The following ZNF532 variants were observed in gnomAD, a reference collection of about 807,000 sequenced individuals.
The protein encoded by ZNF532 is zinc finger protein 532.
In ZNF532, 22 loss-of-function variants were observed where a neutral mutation model predicts 89.3. The ratio of observed to expected loss-of-function variants is 0.25; its 90% CI spans 0.18 to 0.35. The LOEUF (loss-of-function observed/expected upper bound fraction) is 0.35, where lower values mean the gene tolerates loss of function less well. Among genes scored for constraint, ZNF532 ranks in the 10% least tolerant of loss-of-function variants. The pLI is 1.00. For missense variants in ZNF532, 1,132 were observed against 1,643.4 expected (o/e 0.69, Z 5.38); for synonymous variants, 606 against 649.6 (o/e 0.93, Z 1.02).
intron 4 of ZNF532, among the ~76,000 whole-genome samples, chr18:58,935,107 T>TC (rs2062276254): frequency 1.1e-5 from 1 of 87,696 alleles, no homozygotes; most frequent in Non-Finnish European, 2.3e-5. Flanking sequence ...CTCCTCCTCC[T>TC]CCCCACTCCT....
At chr18:58,969,216 T>C (rs2066221532) in intron 7 of ZNF532, among the ~76,000 whole-genome samples, 1 of 152,082 alleles carries the variant, frequency 6.6e-6, no homozygotes, top group South Asian at 2.1e-4. Context: ...GAGTTGTGAG[T>C]GAGAACACAG....
chr18:58,937,883 C>G (rs753681672), intron 4 of ZNF532, among the ~76,000 whole-genome samples: 6 of 152,192 alleles, frequency 3.9e-5, no homozygotes, highest in Non-Finnish European at 7.3e-5. Context: ...GCTCTATTGC[C>G]TGAAATACCA....
intron 2 of ZNF532, among the ~76,000 whole-genome samples, chr18:58,897,113 C>T (rs1356574347): frequency 1.3e-5 from 2 of 151,576 alleles, no homozygotes; most frequent in African/African-American, 2.4e-5. Flanking sequence ...CTCTTTGATT[C>T]TGGTCTTGGT....
At chr18:58,967,406 C>A (rs2066026157) in intron 7 of ZNF532, among the ~76,000 whole-genome samples, 1 of 152,192 alleles carries the variant, frequency 6.6e-6, no homozygotes, top group Non-Finnish European at 1.5e-5. Flanking sequence ...GAGCTGCTCG[C>A]AGTTTCCTGA....
intron 3 of ZNF532, among the ~76,000 whole-genome samples, chr18:58,928,686 A>G (rs34049307): frequency 6.6e-6 from 1 of 152,186 alleles, no homozygotes; most frequent in Non-Finnish European, 1.5e-5. Flanking sequence ...GGGAGCATGG[A>G]ATCAAGCAGT....
intron 7 of ZNF532, among the ~76,000 whole-genome samples, chr18:58,958,428 G>GT (rs2065018455): frequency 6.6e-6 from 1 of 152,294 alleles, no homozygotes; most frequent in Non-Finnish European, 1.5e-5. Context: ...TCTTTTTAAA[G>GT]TTTTTTCTCA....
intron 2 of ZNF532, among the ~76,000 whole-genome samples, chr18:58,874,405 C>T (rs1273673676): frequency 2.6e-5 from 4 of 152,154 alleles, no homozygotes; most frequent in Admixed American, 1.3e-4. Flanking sequence ...AGTGCAATGG[C>T]GCGATCTCGC....
At chr18:58,907,146 AT>A (rs1395345805) in intron 2 of ZNF532, among the ~76,000 whole-genome samples, 21 of 152,086 alleles carry the variant, frequency 1.4e-4, no homozygotes, top group Non-Finnish European at 1.0e-4. Flanking sequence ...GTCCTTTCAG[AT>A]ATGACCATTA....
At chr18:58,872,707 T>A (rs1470353436) in intron 2 of ZNF532, among the ~76,000 whole-genome samples, 1 of 100,100 alleles carries the variant, frequency 1.0e-5, no homozygotes, top group East Asian at 9.5e-4. Flanking sequence ...TCTTTTTTTT[T>A]TTTTTTTTTT....
At chr18:58,910,543 TG>T (rs1267843151) in intron 2 of ZNF532, among the ~76,000 whole-genome samples, 2 of 152,148 alleles carry the variant, frequency 1.3e-5, no homozygotes, top group Non-Finnish European at 2.9e-5. Context: ...CTCAGCTCAG[TG>T]CAACCTCTGC....
intron 7 of ZNF532, among the ~76,000 whole-genome samples, chr18:58,973,692 G>A (rs182780724): frequency 2.8e-4 from 43 of 152,258 alleles, no homozygotes; most frequent in Non-Finnish European, 5.4e-4. Flanking sequence ...TATAGTAAAT[G>A]TTTATAGTGG....
At chr18:58,926,959 A>G (rs921454074) in intron 3 of ZNF532, among the ~76,000 whole-genome samples, 2 of 152,196 alleles carry the variant, frequency 1.3e-5, no homozygotes, top group African/African-American at 4.8e-5. Context: ...TTTTGCATCT[A>G]TATGCATGTA....
chr18:58,956,697 C>T (rs2064811129), intron 7 of ZNF532, among the ~76,000 whole-genome samples: 1 of 152,322 alleles, frequency 6.6e-6, no homozygotes, highest in Non-Finnish European at 1.5e-5. Context: ...ACCCAGTTCT[C>T]TGGTGACCCC....
chr18:58,941,876 T>C (rs1260389104), intron 5 of ZNF532, among the ~76,000 whole-genome samples: 3 of 149,836 alleles, frequency 2.0e-5, no homozygotes, highest in African/African-American at 7.6e-5. Flanking sequence ...TTTCTTTCTT[T>C]CCATCTTTCT....
intron 2 of ZNF532, among the ~76,000 whole-genome samples, chr18:58,881,627 T>C (rs971024320): frequency 1.4e-4 from 7 of 51,396 alleles, no homozygotes; most frequent in Admixed American, 9.6e-4. Context: ...GTTTGTCTTA[T>C]AGAAAGCCCA....
At chr18:58,906,510 C>T (rs770238571) in intron 2 of ZNF532, among the ~76,000 whole-genome samples, 1 of 152,088 alleles carries the variant, frequency 6.6e-6, no homozygotes, top group African/African-American at 2.4e-5. Context: ...ATTTCCTGCC[C>T]ATTCCTAGAT....
At chr18:58,888,808 T>TA (rs1233473371) in intron 2 of ZNF532, among the ~76,000 whole-genome samples, 1 of 47,818 alleles carries the variant, frequency 2.1e-5, no homozygotes, top group African/African-American at 1.1e-4. Context: ...TTTATATATA[T>TA]AAAAAATTAT....
rs60644289 is a variant in ZNF532 at position 58,963,603 on chromosome 18, A to ATGTGTG, written c.3150+9842_3150+9847dup. Among the ~76,000 whole-genome samples the ATGTGTG allele has an allele frequency of 4.1e-3, 585 of 143,858 alleles. 4 individuals are homozygous for ATGTGTG. The highest frequency in any genetic ancestry group is 0.01 in the African/African-American group (386 of 38,088). The allele number at this position is 143,858 out of a possible 152,430, so 94.4% of individuals were successfully genotyped here. On this transcript the variant is annotated intron_variant, in intron 7 of 9. Transcript: ENST00000591808. ...CTTGCACAGTATTTAAAAGAAAAAA[A>ATGTGTG]TGTGTGTGTGTGTGTGTGTGTGTGT...
At chr18:58,881,611 A>C (rs1025679867) in intron 2 of ZNF532, among the ~76,000 whole-genome samples, 4 of 135,456 alleles carry the variant, frequency 3.0e-5, no homozygotes, top group South Asian at 5.1e-4. Context: ...GGCAGAGCTC[A>C]CCTCAGTTTG....
Sources: gnomAD v4.1 joint callset for allele counts (sites outside exome capture counted in the v4.1 genomes callset) on GRCh38, gnomAD v4.1.1 for gene constraint, MANE v1.5 for transcripts, NCBI Gene and HGNC (gene_info 2026-07-23, HGNC 2026-07-21) for gene names.